Variants in FHIT observed in about 807,000 individuals in gnomAD.
The protein encoded by FHIT is bis(5'-adenosyl)-triphosphatase.
FHIT carries 19 observed loss-of-function variants against 17.9 expected under a neutral mutation model. The ratio of observed to expected loss-of-function variants is 1.06; its 90% CI spans 0.74 to 1.56. The LOEUF (loss-of-function observed/expected upper bound fraction) is 1.56. FHIT is among the 40% of genes most tolerant of loss of function. The pLI is 0.00. For missense variants in FHIT, 248 were observed against 189.2 expected (o/e 1.31, Z -1.82); for synonymous variants, 81 against 69.7 (o/e 1.16, Z -0.81).
intron 5 of FHIT, among the ~76,000 whole-genome samples, chr3:60,365,879 TAC>T (rs1394736575): frequency 6.6e-6 from 1 of 152,202 alleles, no homozygotes; most frequent in Non-Finnish European, 1.5e-5. Context: ...CAACAAAATA[TAC>T]CTGATTAACA....
At chr3:61,155,462 CT>C (rs967301149) in intron 2 of FHIT, among the ~76,000 whole-genome samples, 39 of 151,506 alleles carry the variant, frequency 2.6e-4, no homozygotes, top group Non-Finnish European at 5.0e-4. Context: ...TTTCTTGTTT[CT>C]TTTTTTTCCT....
intron 5 of FHIT, among the ~76,000 whole-genome samples, chr3:60,423,221 G>C (rs1702541678): frequency 6.6e-6 from 1 of 152,094 alleles, no homozygotes; most frequent in Non-Finnish European, 1.5e-5. Context: ...ATAGATGGTA[G>C]AGTAGAGAGA....
intron 4 of FHIT, among the ~76,000 whole-genome samples, chr3:60,814,909 G>GTT (rs1217616849): frequency 3.7e-5 from 5 of 134,130 alleles, no homozygotes; most frequent in African/African-American, 1.1e-4. Context: ...TGTTTTTGTT[G>GTT]TTTTTTTTTT....
chr3:59,764,265 T>C (rs1333829417), intron 8 of FHIT, among the ~76,000 whole-genome samples: 1 of 152,138 alleles, frequency 6.6e-6, no homozygotes, highest in South Asian at 2.1e-4. Context: ...TCTGAATGCA[T>C]ACCATATGTT....
chr3:60,890,975 C>A (rs1365086695), intron 3 of FHIT, among the ~76,000 whole-genome samples: 1 of 152,168 alleles, frequency 6.6e-6, no homozygotes, highest in Non-Finnish European at 1.5e-5. Context: ...CATGGGCATT[C>A]GTCAATAGGT....
intron 5 of FHIT, among the ~76,000 whole-genome samples, chr3:60,268,230 T>C (rs1201707228): frequency 1.3e-5 from 2 of 152,216 alleles, no homozygotes; most frequent in East Asian, 1.9e-4. Context: ...TGCTGAATAA[T>C]CTCTATCTCC....
chr3:60,669,288 TAACAGGGAGA>T (rs1471043663), intron 4 of FHIT, among the ~76,000 whole-genome samples: 1 of 151,886 alleles, frequency 6.6e-6, no homozygotes, highest in Non-Finnish European at 1.5e-5. Flanking sequence ...GACATAGGAG[TAACAGGGAGA>T]AACTTGCTTA....
At chr3:60,603,157 A>C (rs1320673009) in intron 4 of FHIT, among the ~76,000 whole-genome samples, 2 of 152,116 alleles carry the variant, frequency 1.3e-5, no homozygotes, top group African/African-American at 4.8e-5. Flanking sequence ...TAACATCTAA[A>C]ATTGGTGTAG....
intron 5 of FHIT, among the ~76,000 whole-genome samples, chr3:60,021,510 G>GA (rs1177638084): frequency 1.3e-5 from 2 of 152,020 alleles, no homozygotes; most frequent in Non-Finnish European, 2.9e-5. Flanking sequence ...ATCATATCTG[G>GA]AAAAAAATAT....
At chr3:60,312,073 G>T (rs1203170775) in intron 5 of FHIT, among the ~76,000 whole-genome samples, 3 of 152,032 alleles carry the variant, frequency 2.0e-5, no homozygotes, top group Admixed American at 2.0e-4. Flanking sequence ...ATACAGCAAG[G>T]GTAAACACTG....
intron 2 of FHIT, among the ~76,000 whole-genome samples, chr3:61,073,954 G>A (rs1033295479): frequency 6.6e-6 from 1 of 152,134 alleles, no homozygotes; most frequent in Admixed American, 6.6e-5. Flanking sequence ...AAACAAAGCA[G>A]CGGTTTATTC....
At chr3:60,238,845 T>C (rs1366467084) in intron 5 of FHIT, among the ~76,000 whole-genome samples, 2 of 152,140 alleles carry the variant, frequency 1.3e-5, no homozygotes, top group Admixed American at 1.3e-4. Flanking sequence ...ACCAAAAAGA[T>C]TCCCCATGAC....
intron 4 of FHIT, among the ~76,000 whole-genome samples, chr3:60,691,391 G>A (rs1185779919): frequency 8.6e-6 from 1 of 116,322 alleles, no homozygotes; most frequent in Non-Finnish European, 1.8e-5. Context: ...TTTTTTTCTT[G>A]AGACAGGGTC....
chr3:60,875,922 C>CAT (rs781965125), intron 3 of FHIT, among the ~76,000 whole-genome samples: 1 of 61,158 alleles, frequency 1.6e-5, no homozygotes, highest in Non-Finnish European at 3.5e-5. Flanking sequence ...AAAACTTATT[C>CAT]ATGTGTGTGT....
intron 5 of FHIT, among the ~76,000 whole-genome samples, chr3:60,439,168 A>C (rs745805068): frequency 1.3e-5 from 2 of 152,136 alleles, no homozygotes; most frequent in African/African-American, 4.8e-5. Flanking sequence ...CTTTGAAGGA[A>C]TCATCACTGG....
At chr3:59,836,920 G>A (rs562099198) in intron 8 of FHIT, among the ~76,000 whole-genome samples, 4 of 152,186 alleles carry the variant, frequency 2.6e-5, no homozygotes, top group South Asian at 4.2e-4. Flanking sequence ...TCTTACCTTC[G>A]CATGGTAAGA....
intron 5 of FHIT, among the ~76,000 whole-genome samples, chr3:60,479,504 A>C (rs1432017062): frequency 6.6e-6 from 1 of 152,234 alleles, no homozygotes; most frequent in Non-Finnish European, 1.5e-5. Context: ...ATGACATAGC[A>C]CAAGACATTA....
At chr3:60,637,806 T>C (rs2039625970) in intron 4 of FHIT, among the ~76,000 whole-genome samples, 1 of 152,204 alleles carries the variant, frequency 6.6e-6, no homozygotes, top group Non-Finnish European at 1.5e-5. Flanking sequence ...AAGGTTGTAC[T>C]TAGTGCCTCT....
At chr3:59,991,411 T>G (rs1005442374) in intron 7 of FHIT, among the ~76,000 whole-genome samples, 3 of 152,096 alleles carry the variant, frequency 2.0e-5, no homozygotes, top group Admixed American at 1.3e-4. Context: ...ATGATCCTGA[T>G]AGACATCTAG....
Sources: allele counts gnomAD v4.1 joint callset (sites outside exome capture counted in the v4.1 genomes callset), GRCh38; gene constraint gnomAD v4.1.1; transcripts MANE v1.5; gene names NCBI Gene and HGNC (gene_info 2026-07-23, HGNC 2026-07-21).